Variants in CSMD3 observed in about 807,000 individuals in gnomAD.
The protein encoded by CSMD3 is CUB and Sushi multiple domains 3.
In CSMD3, 177 loss-of-function variants were observed where a neutral mutation model predicts 435.2. The ratio of observed to expected loss-of-function variants is 0.41; its 90% confidence interval spans 0.36 to 0.46. The LOEUF is 0.46. Ranked by LOEUF, CSMD3 falls within the 20% of genes least tolerant of loss-of-function variation. The pLI, the probability that CSMD3 is intolerant of heterozygous loss-of-function variation, is 0.34. For missense variants in CSMD3, 4,265 were observed against 4,504.6 expected (o/e 0.95, Z 1.52); for synonymous variants, 1,656 against 1,520.5 (o/e 1.09, Z -2.07).
At chr8:112,469,355 T>C (rs1208291927) in intron 32 of CSMD3, among the ~76,000 whole-genome samples, 1 of 152,158 alleles carries the variant, frequency 6.6e-6, no homozygotes, top group Non-Finnish European at 1.5e-5. Flanking sequence ...ATTTAATTTA[T>C]TTTCATGTGT....
At chr8:112,601,029 A>T (rs1352854510) in intron 22 of CSMD3, among the ~76,000 whole-genome samples, 2 of 152,136 alleles carry the variant, frequency 1.3e-5, no homozygotes, top group African/African-American at 4.8e-5. Flanking sequence ...TGCTAATTCA[A>T]TAACAAGGAG....
At chr8:113,364,655 C>T (rs2133013076) in intron 1 of CSMD3, among the ~76,000 whole-genome samples, 1 of 151,954 alleles carries the variant, frequency 6.6e-6, no homozygotes, top group Non-Finnish European at 1.5e-5. Context: ...GAGTTTTTTT[C>T]CTTATTGTTA....
intron 4 of CSMD3, among the ~76,000 whole-genome samples, chr8:113,163,868 G>A (rs1043677161): frequency 2.6e-5 from 4 of 151,964 alleles, no homozygotes; most frequent in Non-Finnish European, 5.9e-5. Flanking sequence ...TTGTTTATAT[G>A]TCAGTAAAAA....
chr8:112,390,918 A>T, intron 35 of CSMD3, 130 bp from the exon 36 acceptor site: 1 of 866,286 alleles, frequency 1.2e-6, no homozygotes. Flanking sequence ...TTCAAAACTG[A>T]TAAAAGCAAT....
rs145313328 is a variant in CSMD3, at chr8:112,563,739, C to G, written c.4043-6785G>C. On this transcript the variant is annotated intron_variant, in intron 24 of 70. Transcript: ENST00000297405. The stretch of plus-strand genomic sequence containing the variant: ...CTAGGTGACTACCAATTTACATTCC[C>G]CAAAGTTTATAAGTTTCAATTTCTG... 4.7e-3 allele frequency among the ~76,000 whole-genome samples: 711 copies of G among 152,064 alleles called. 6 individuals carry two copies. Among genetic ancestry groups the G allele is most frequent in the Non-Finnish European group, 6.5e-3 (444 of 67,946 alleles).
intron 10 of CSMD3, among the ~76,000 whole-genome samples, chr8:112,865,044 G>T (rs569598546): frequency 6.6e-6 from 1 of 152,116 alleles, no homozygotes; most frequent in Non-Finnish European, 1.5e-5. Flanking sequence ...TGCTAACATC[G>T]ATAGAAGTAC....
chr8:112,810,670 T>C (rs2079200790), intron 12 of CSMD3, among the ~76,000 whole-genome samples: 1 of 151,968 alleles, frequency 6.6e-6, no homozygotes, highest in Non-Finnish European at 1.5e-5. Flanking sequence ...TACTAGAAAA[T>C]GGTTGTGTTT....
intron 11 of CSMD3, among the ~76,000 whole-genome samples, chr8:112,849,250 G>T (rs537872892): frequency 6.6e-6 from 1 of 151,684 alleles, no homozygotes; most frequent in Non-Finnish European, 1.5e-5. Context: ...TATTTTCTTC[G>T]TTGTGAGATT....
chr8:112,697,489 C>CA (rs1452534485), intron 13 of CSMD3, among the ~76,000 whole-genome samples: 1 of 146,810 alleles, frequency 6.8e-6, no homozygotes, highest in East Asian at 2.1e-4. Context: ...ATCACAAGGA[C>CA]AAAAAACCAA....
intron 10 of CSMD3, among the ~76,000 whole-genome samples, chr8:112,901,919 A>G (rs989004215): frequency 1.3e-5 from 2 of 151,366 alleles, no homozygotes; most frequent in African/African-American, 4.8e-5. Flanking sequence ...CCTTGTAGGA[A>G]GAGCCTTTCA....
At position 112,382,291 on chromosome 8, in the gene CSMD3, C is replaced by CAAAAAAAAAAAAA. The variant is rs11384093; in HGVS notation, c.6031+1263_6031+1275dup. On this transcript the variant is annotated intron_variant, in intron 37 of 70. Transcript: ENST00000297405. ...AGAGCCAGACCCTGTCTCTAAAATG[C>CAAAAAAAAAAAAA]AAAAAAAAAAAAAAAATTAATAATA... 4.7e-4 allele frequency among the ~76,000 whole-genome samples: 55 copies of CAAAAAAAAAAAAA among 116,720 alleles called. 2 individuals are homozygous for CAAAAAAAAAAAAA. The highest frequency in any genetic ancestry group is 1.8e-3 in the East Asian group (6 of 3,318). The allele number at this position is 116,720 out of a possible 152,430, so 76.6% of individuals were successfully genotyped here.
intron 7 of CSMD3, among the ~76,000 whole-genome samples, chr8:112,967,807 G>A (rs551857048): frequency 1.3e-5 from 2 of 150,836 alleles, no homozygotes; most frequent in African/African-American, 4.9e-5. Context: ...AGACAGCTTG[G>A]CACTCAGTGG....
intron 27 of CSMD3, among the ~76,000 whole-genome samples, chr8:112,525,768 A>ATAT (rs1554602469): frequency 2.1e-5 from 3 of 141,672 alleles, no homozygotes; most frequent in Admixed American, 7.2e-5. Flanking sequence ...ATATATATAT[A>ATAT]TATTTATATG....
At chr8:113,349,227 A>G (rs994469089) in intron 1 of CSMD3, among the ~76,000 whole-genome samples, 2 of 152,066 alleles carry the variant, frequency 1.3e-5, no homozygotes, top group Non-Finnish European at 2.9e-5. Context: ...ACACTGACCA[A>G]CACTTGTGCC....
rs1822576874 is a variant in CSMD3 at position 112,506,808 on chromosome 8, G to C, written c.4778C>G (p.Thr1593Arg). 6.2e-7 allele frequency: 1 copy of C among 1,613,176 alleles called. No homozygotes were observed. The highest frequency in any genetic ancestry group is 1.3e-5 in the African/African-American group (1 of 74,874). Reference protein sequence around the residue: ...VCIAPCGGNLTGSSGFILSPN... With the variant: ...VCIAPCGGNLRGSSGFILSPN... ...TGAAAGAATAAAGCCTGAAGATCCT[G>C]TTAAATTGCCTCCACAGGGTGCTTT... Residue 1593 changes from threonine to arginine, a missense_variant, in exon 29 of 71, where the codon ACA becomes AGA. Transcript: ENST00000297405.
chr8:113,174,547 T>A (rs1034282479), intron 3 of CSMD3, among the ~76,000 whole-genome samples: 8 of 152,014 alleles, frequency 5.3e-5, no homozygotes, highest in Non-Finnish European at 8.8e-5. Flanking sequence ...TGGAAAATGA[T>A]ATATCAGAAT....
intron 3 of CSMD3, among the ~76,000 whole-genome samples, chr8:113,223,798 T>C (rs1044548265): frequency 6.7e-6 from 1 of 150,052 alleles, no homozygotes; most frequent in Non-Finnish European, 1.5e-5. Flanking sequence ...AAAGTATTCA[T>C]GTATCTGTGT....
At chr8:112,987,038 T>A (rs891672780) in intron 6 of CSMD3, among the ~76,000 whole-genome samples, 1 of 152,072 alleles carries the variant, frequency 6.6e-6, no homozygotes, top group Non-Finnish European at 1.5e-5. Flanking sequence ...AGATATCAGG[T>A]ACATAAAGAA....
intron 42 of CSMD3, among the ~76,000 whole-genome samples, chr8:112,339,852 A>T (rs1426516347): frequency 6.6e-6 from 1 of 152,216 alleles, no homozygotes; most frequent in Non-Finnish European, 1.5e-5. Flanking sequence ...TAGCACAAAA[A>T]GAAACCATTT....
Sources: allele counts gnomAD v4.1 joint callset (sites outside exome capture counted in the v4.1 genomes callset), GRCh38; gene constraint gnomAD v4.1.1; transcripts MANE v1.5; gene names NCBI Gene and HGNC (gene_info 2026-07-23, HGNC 2026-07-21).